ESYT2: variants seen among roughly 807,000 people sequenced by gnomAD.
The protein encoded by ESYT2 is extended synaptotagmin-2.
A neutral mutation model predicts 107.2 loss-of-function variants in ESYT2; 54 were observed. That is an observed-to-expected ratio of 0.50 (90% CI 0.40 to 0.63). The LOEUF is 0.63. Ranked by LOEUF, ESYT2 falls within the 30% of genes least tolerant of loss-of-function variation. ESYT2 has a pLI of 0.00. For synonymous variants in ESYT2, 491 were observed against 434.1 expected (o/e 1.13, Z -1.63); for missense variants, 1,020 against 1,094.5 (o/e 0.93, Z 0.96).
At chr7:158,770,382 A>G (rs912961150) in intron 7 of ESYT2, among the ~76,000 whole-genome samples, 2 of 151,714 alleles carry the variant, frequency 1.3e-5, no homozygotes, top group Non-Finnish European at 2.9e-5. Context: ...ATACCTATAT[A>G]TATAAACTTA....
At chr7:158,791,262 G>A (rs536955019) in intron 4 of ESYT2, among the ~76,000 whole-genome samples, 3 of 152,268 alleles carry the variant, frequency 2.0e-5, no homozygotes, top group East Asian at 3.9e-4. Flanking sequence ...AGCATGTGGC[G>A]GCCTGGAGCA....
Position 158,733,514 on chromosome 7 carries a change from G to A in ESYT2, c.*693C>T, listed in dbSNP as rs1836813269. The A allele has an allele frequency of 6.6e-6, 1 of 152,174 alleles. No homozygotes were observed. The highest frequency in any genetic ancestry group is 1.5e-5 in the Non-Finnish European group (1 of 68,046). The allele number at this position is 152,174 out of a possible 1,614,324, so 9.4% of individuals were successfully genotyped here. A position where few individuals can be genotyped will look rare whatever the true frequency, so the allele number is the denominator to read the frequency against. ...TAGCATAATGTGATTTATGAACCATGACAATTCTCTTAATATATTACTCAG... is the reference window on the plus strand; with the variant it reads ...TAGCATAATGTGATTTATGAACCATAACAATTCTCTTAATATATTACTCAG... On this transcript the variant is annotated 3_prime_UTR_variant, in exon 23 of 23. Transcript: ENST00000275418.
chr7:158,826,014 A>T (rs1840428319), intron 1 of ESYT2, among the ~76,000 whole-genome samples: 1 of 145,682 alleles, frequency 6.9e-6, no homozygotes, highest in Non-Finnish European at 1.5e-5. Context: ...GTAAGAACTC[A>T]TCTCTAGAAA....
Position 158,793,743 on chromosome 7 carries a change from CTTATT to C in ESYT2, c.508-22_508-18del, listed in dbSNP as rs760286946. 15 of 1,601,592 alleles carry C rather than the reference CTTATT, an allele frequency of 9.4e-6. No homozygotes were observed. Among genetic ancestry groups the C allele is most frequent in the Non-Finnish European group, 1.3e-5 (15 of 1,171,600 alleles). ...CCTGAGGGGCTGAAATAAGAAGTAGCTTATTTTAAGATACAGAGGTTAAAAAAAAA... is the reference window on the plus strand; with the variant it reads ...CCTGAGGGGCTGAAATAAGAAGTAGCTTAAGATACAGAGGTTAAAAAAAAA... On this transcript the variant is annotated intron_variant, in intron 3 of 22. Transcript: ENST00000275418.
intron 1 of ESYT2, among the ~76,000 whole-genome samples, chr7:158,822,807 G>C: frequency 6.6e-6 from 1 of 151,940 alleles, no homozygotes; most frequent in Non-Finnish European, 1.5e-5. Context: ...TTAGGTTTAA[G>C]TTAAAAATAT....
chr7:158,746,306 T>G (rs1332164158), intron 16 of ESYT2, among the ~76,000 whole-genome samples: 2 of 151,822 alleles, frequency 1.3e-5, no homozygotes, highest in Non-Finnish European at 2.9e-5. Flanking sequence ...GCACATGTAG[T>G]CCCAGCCACT....
intron 2 of ESYT2, among the ~76,000 whole-genome samples, chr7:158,798,380 T>C (rs535091441): frequency 6.6e-6 from 1 of 152,186 alleles, no homozygotes; most frequent in African/African-American, 2.4e-5. Context: ...ATTTATATAG[T>C]TCTTCAATTG....
rs190355381 is a variant in ESYT2 at position 158,749,595 on chromosome 7, C to T, written c.1557+54G>A. ...GGCATCCCCAGGTGAGACGGCAACACGGACAGCGCCCGCACGACAGGCACC... is the reference window on the plus strand; with the variant it reads ...GGCATCCCCAGGTGAGACGGCAACATGGACAGCGCCCGCACGACAGGCACC... On this transcript the variant is annotated intron_variant, in intron 15 of 22. Coordinates refer to ENST00000275418, the MANE Select transcript of ESYT2 (RefSeq NM_001367773.1). 8.6e-5 allele frequency: 136 copies of T among 1,573,440 alleles called. 1 individual carries two copies. Among genetic ancestry groups the T allele is most frequent in the Middle Eastern group, 1.7e-4 (1 of 5,898 alleles).
chr7:158,805,222 C>T (rs551479327), intron 1 of ESYT2, among the ~76,000 whole-genome samples: 2 of 152,350 alleles, frequency 1.3e-5, no homozygotes, highest in East Asian at 3.9e-4. Flanking sequence ...CTTTACTCAT[C>T]TCCCAAACTA....
intron 6 of ESYT2, among the ~76,000 whole-genome samples, chr7:158,773,636 C>T (rs1414657911): frequency 6.6e-6 from 1 of 151,960 alleles, no homozygotes; most frequent in African/African-American, 2.4e-5. Flanking sequence ...ATTTATTTAC[C>T]CACTCTCCTA....
chr7:158,791,521 T>TCA (rs1839293882), intron 4 of ESYT2, among the ~76,000 whole-genome samples: 2 of 152,222 alleles, frequency 1.3e-5, no homozygotes, highest in African/African-American at 4.8e-5. Context: ...CTGTACCATT[T>TCA]CACATTTCTA....
At position 158,767,645 on chromosome 7, in the gene ESYT2, C is replaced by G. The variant is rs749500795; in HGVS notation, c.924+9G>C. On this transcript the variant is annotated intron_variant, in intron 8 of 22. Transcript: ENST00000275418. ...TTTTAAATGTGAATGGATGCCGGGACACGCTTACCTTTGGTACAGGAAACC... is the reference window on the plus strand; with the variant it reads ...TTTTAAATGTGAATGGATGCCGGGAGACGCTTACCTTTGGTACAGGAAACC... The G allele has an allele frequency of 1.9e-6, 3 of 1,606,438 alleles. No homozygotes were observed. The East Asian group carries it at 6.7e-5, about 36-fold the overall frequency.
chr7:158,823,035 G>A (rs888058989), intron 1 of ESYT2, among the ~76,000 whole-genome samples: 2 of 151,806 alleles, frequency 1.3e-5, no homozygotes, highest in African/African-American at 4.8e-5. Context: ...GCTCACGCCT[G>A]TAATCCTAGC....
At chr7:158,738,336 CACACACAG>C (rs1272891381) in intron 19 of ESYT2, among the ~76,000 whole-genome samples, 8 of 36,604 alleles carry the variant, frequency 2.2e-4, no homozygotes, top group East Asian at 7.1e-4. Context: ...AATACACACA[CACACACAG>C]ACACACACAC....
At chr7:158,805,420 A>T (rs1839795419) in intron 1 of ESYT2, among the ~76,000 whole-genome samples, 1 of 152,258 alleles carries the variant, frequency 6.6e-6, no homozygotes, top group South Asian at 2.1e-4. Context: ...AAAGGTAGAG[A>T]GGAATCTAAA....
intron 13 of ESYT2, among the ~76,000 whole-genome samples, chr7:158,755,357 A>G (rs762955048): frequency 7.9e-5 from 12 of 152,234 alleles, no homozygotes; most frequent in Admixed American, 3.3e-4. Context: ...TAGGTGATGC[A>G]TATGTTCTAA....
In ESYT2 at chr7:158,761,542, A is replaced by G. The variant is rs1837962237; in HGVS notation, c.1187T>C (p.Leu396Pro). The G allele has an allele frequency of 6.2e-7, 1 of 1,613,488 alleles. No homozygotes were observed. The change falls in exon 11 of 23, where the codon CTT becomes CCT. Residue 396 changes from leucine (L) to proline (P), a missense_variant and splice_region_variant. Coordinates refer to ENST00000275418, the MANE Select transcript of ESYT2 (RefSeq NM_001367773.1). ...TTCAACTTCAATGAGGTCAATCATA[A>G]GACTATAAAAATAACAATACGACAA... ...DPDKDDFLGS[L>P]MIDLIEVEKE... is the part of the protein sequence containing the mutation.
intron 1 of ESYT2, among the ~76,000 whole-genome samples, chr7:158,821,572 T>C (rs1840286250): frequency 2.0e-5 from 3 of 152,260 alleles, no homozygotes; most frequent in Admixed American, 2.0e-4. Flanking sequence ...GCCACGTCCC[T>C]GCATCCTGTA....
chr7:158,758,967 T>C (rs554514242), intron 13 of ESYT2, among the ~76,000 whole-genome samples: 2 of 152,294 alleles, frequency 1.3e-5, no homozygotes, highest in East Asian at 3.9e-4. Context: ...AGTAGGTCAT[T>C]CCGAGACATG....
Sources: allele counts gnomAD v4.1 joint callset (sites outside exome capture counted in the v4.1 genomes callset), GRCh38; gene constraint gnomAD v4.1.1; transcripts MANE v1.5; gene names NCBI Gene and HGNC (gene_info 2026-07-23, HGNC 2026-07-21).